Variants in SDCCAG8 observed in about 807,000 individuals in gnomAD.
SDCCAG8 encodes SHH signaling and ciliogenesis regulator SDCCAG8.
A neutral mutation model predicts 101.8 loss-of-function variants in SDCCAG8; 74 were observed. That is an observed-to-expected ratio of 0.73 (90% CI 0.60 to 0.88). The LOEUF is 0.88. Among genes scored for constraint, SDCCAG8 ranks in the 40% least tolerant of loss-of-function variants. The probability of loss-of-function intolerance (pLI) is 0.00; values close to 1 mark genes in which losing one functional copy is unlikely to be tolerated. For synonymous variants in SDCCAG8, 281 were observed against 292.9 expected (o/e 0.96, Z 0.41); for missense variants, 787 against 822.6 (o/e 0.96, Z 0.53).
intron 10 of SDCCAG8, among the ~76,000 whole-genome samples, chr1:243,338,592 C>T (rs1288577622): frequency 6.6e-6 from 1 of 152,096 alleles, no homozygotes; most frequent in Non-Finnish European, 1.5e-5. Context: ...TTACTTCATT[C>T]AGTCATTGAT....
Position 243,325,753 on chromosome 1 carries a change from A to G in SDCCAG8, c.1069-4787A>G, listed in dbSNP as rs186785617. Among the ~76,000 whole-genome samples the G allele has an allele frequency of 3.3e-5, 5 of 152,332 alleles. No individual in the cohort carries two copies. The East Asian group carries it at 9.6e-4, about 29-fold the overall frequency. On this transcript the variant is annotated intron_variant, in intron 9 of 17. Coordinates refer to ENST00000366541, the MANE Select transcript of SDCCAG8 (RefSeq NM_006642.5). ...CCAGTTTCTTCAATTGAGTGATAAGAACCAATTAAAATGTATTGAGAGGGT... is the reference window on the plus strand; with the variant it reads ...CCAGTTTCTTCAATTGAGTGATAAGGACCAATTAAAATGTATTGAGAGGGT...
rs757356055 is a variant in SDCCAG8, at chr1:243,304,783, G to A, written c.740+6G>A. On this transcript the variant is annotated splice_donor_region_variant and intron_variant, in intron 7 of 17. Transcript: ENST00000366541. ...TCCCAATTGAAGTTTTTGAGGTAAA[G>A]TGAAATCGTCCATTTATAGTCATAC... The A allele has an allele frequency of 6.5e-7, 1 of 1,546,520 alleles. No individual in the cohort carries two copies. The highest frequency in any genetic ancestry group is 2.2e-5 in the East Asian group (1 of 44,458).
At chr1:243,264,050 C>T (rs61833910) in intron 1 of SDCCAG8, among the ~76,000 whole-genome samples, 3 of 152,134 alleles carry the variant, frequency 2.0e-5, no homozygotes, top group Admixed American at 6.5e-5. Context: ...ATCTCGGCCT[C>T]GGGAGGAATG....
At chr1:243,352,632 T>C (rs1418730126) in intron 12 of SDCCAG8, among the ~76,000 whole-genome samples, 1 of 152,228 alleles carries the variant, frequency 6.6e-6, no homozygotes, top group Non-Finnish European at 1.5e-5. Context: ...TTAGTACCTA[T>C]ATCCAATATA....
intron 1 of SDCCAG8, among the ~76,000 whole-genome samples, chr1:243,260,906 A>T (rs937984250): frequency 4.6e-5 from 7 of 152,178 alleles, no homozygotes; most frequent in African/African-American, 1.4e-4. Flanking sequence ...AGGTCACTGC[A>T]CTTACTTTTG....
chr1:243,450,186 G>A (rs565947410), intron 16 of SDCCAG8, among the ~76,000 whole-genome samples: 1 of 152,310 alleles, frequency 6.6e-6, no homozygotes, highest in East Asian at 1.9e-4. Context: ...TGTGAACCAT[G>A]TGTTATCAAT....
chr1:243,479,536 T>C (rs1039033113), intron 16 of SDCCAG8, among the ~76,000 whole-genome samples: 4 of 152,232 alleles, frequency 2.6e-5, no homozygotes, highest in Non-Finnish European at 4.4e-5. Flanking sequence ...TATACTCCTT[T>C]TGATTTTTAA....
At chr1:243,385,353 G>A (rs769196007) in intron 13 of SDCCAG8, among the ~76,000 whole-genome samples, 1 of 152,078 alleles carries the variant, frequency 6.6e-6, no homozygotes, top group African/African-American at 2.4e-5. Context: ...TGGCACTGCT[G>A]CACTCCAGCC....
chr1:243,326,079 A>G (rs1328820579), intron 9 of SDCCAG8, among the ~76,000 whole-genome samples: 2 of 152,184 alleles, frequency 1.3e-5, no homozygotes, highest in Non-Finnish European at 2.9e-5. Flanking sequence ...TGAAGTTACC[A>G]TAAGCATATC....
intron 16 of SDCCAG8, among the ~76,000 whole-genome samples, chr1:243,466,383 A>C (rs1213311040): frequency 2.0e-5 from 3 of 152,196 alleles, no homozygotes; most frequent in Non-Finnish European, 4.4e-5. Context: ...TTTCCTACTT[A>C]ATGCCTCTGA....
intron 9 of SDCCAG8, among the ~76,000 whole-genome samples, chr1:243,319,067 A>T (rs985791754): frequency 6.6e-6 from 1 of 152,100 alleles, no homozygotes; most frequent in Admixed American, 6.5e-5. Context: ...GAGGGGAGCA[A>T]GCCTCACAAG....
chr1:243,432,664 G>T (rs1475995312), intron 16 of SDCCAG8, among the ~76,000 whole-genome samples: 5 of 152,120 alleles, frequency 3.3e-5, no homozygotes, highest in Non-Finnish European at 7.4e-5. Context: ...TATAACATGG[G>T]TTTAATTTCA....
intron 6 of SDCCAG8, among the ~76,000 whole-genome samples, chr1:243,303,633 AC>A (rs1454577146): frequency 6.6e-6 from 1 of 152,204 alleles, no homozygotes; most frequent in Admixed American, 6.5e-5. Flanking sequence ...TTTCCTAATA[AC>A]ATTATCTTTT....
rs1328696549 is a variant in SDCCAG8, at chr1:243,344,294, G to C, written c.1436G>C (p.Arg479Thr). The C allele has an allele frequency of 1.9e-6, 3 of 1,613,952 alleles. No individual in the cohort carries two copies. Among genetic ancestry groups the C allele is most frequent in the Non-Finnish European group, 2.5e-6 (3 of 1,179,894 alleles). Residue 479 changes from arginine to threonine, a missense_variant, in exon 12 of 18, where the codon AGA becomes ACA. Arg to Thr is a moderately conservative substitution (Grantham distance 71). Transcript: ENST00000366541. ...GCAGAAAAGGAGCACAGAGAGTTCA[G>C]AGCAAAAACTAACAGGGATCTTGAA... ...DEAEKEHREF[R>T]AKTNRDLEIK...
chr1:243,457,070 G>A (rs531019771), intron 16 of SDCCAG8, among the ~76,000 whole-genome samples: 7 of 152,272 alleles, frequency 4.6e-5, no homozygotes, highest in South Asian at 4.1e-4. Flanking sequence ...TATTTATCAC[G>A]CATGCTAGAA....
intron 1 of SDCCAG8, among the ~76,000 whole-genome samples, chr1:243,263,974 G>A (rs1572830803): frequency 6.6e-6 from 1 of 152,014 alleles, no homozygotes; most frequent in Non-Finnish European, 1.5e-5. Context: ...TTATCTCACT[G>A]TGGTTTTATT....
chr1:243,312,373 C>T (rs886387222), intron 8 of SDCCAG8, among the ~76,000 whole-genome samples: 3 of 152,160 alleles, frequency 2.0e-5, no homozygotes, highest in African/African-American at 4.8e-5. Flanking sequence ...TTGTTGCATC[C>T]TTTAGCATTT....
At position 243,476,684 on chromosome 1, in the gene SDCCAG8, C is replaced by A. The variant is rs556968828; in HGVS notation, c.1986-12330C>A. Reference sequence around the variant, plus strand: ...TCTTCCGTTAAGACTATTGGTAATTCAGTTGCAAATAGCATTCAACAAAAT... The same window carrying A: ...TCTTCCGTTAAGACTATTGGTAATTAAGTTGCAAATAGCATTCAACAAAAT... On this transcript the variant is annotated intron_variant, in intron 16 of 17. Coordinates refer to ENST00000366541, the MANE Select transcript of SDCCAG8 (RefSeq NM_006642.5). 2.2e-4 allele frequency among the ~76,000 whole-genome samples: 33 copies of A among 152,328 alleles called. No homozygotes were observed. The South Asian group carries it at 6.6e-3, about 31-fold the overall frequency.
chr1:243,257,992 A>G (rs2066903821), intron 1 of SDCCAG8, among the ~76,000 whole-genome samples: 1 of 152,204 alleles, frequency 6.6e-6, no homozygotes, highest in Non-Finnish European at 1.5e-5. Flanking sequence ...AAAGGGGTTC[A>G]TTTTAAATTA....
Sources: gnomAD v4.1 joint callset for allele counts (sites outside exome capture counted in the v4.1 genomes callset) on GRCh38, gnomAD v4.1.1 for gene constraint, MANE v1.5 for transcripts, NCBI Gene and HGNC (gene_info 2026-07-23, HGNC 2026-07-21) for gene names.